MREG: variants seen among roughly 807,000 people sequenced by gnomAD.
The protein encoded by MREG is melanoregulin.
Under a neutral mutation model 28.5 loss-of-function variants are expected in MREG, and 31 were observed. The observed-to-expected ratio is 1.09, with a 90% CI of 0.82 to 1.47. The LOEUF (loss-of-function observed/expected upper bound fraction) is 1.47. MREG is among the 40% of genes most tolerant of loss of function. The probability of loss-of-function intolerance (pLI) is 0.00; values close to 1 mark genes in which losing one functional copy is unlikely to be tolerated. For synonymous variants in MREG, 106 were observed against 95.2 expected (o/e 1.11, Z -0.66); for missense variants, 256 against 257.4 (o/e 0.99, Z 0.04).
At chr2:216,015,152 T>C (rs1441457093), upstream of MREG, among the ~76,000 whole-genome samples, 1 of 151,916 alleles carries the variant, frequency 6.6e-6, no homozygotes, top group Non-Finnish European at 1.5e-5. Context: ...TGTGCGTGCG[T>C]ACGTGTGCGC....
chr2:216,018,226 C>T (rs1694474231), upstream of MREG, among the ~76,000 whole-genome samples: 1 of 152,042 alleles, frequency 6.6e-6, no homozygotes, highest in Non-Finnish European at 1.5e-5. Context: ...TGTGCTTAGA[C>T]AACATAGCAT....
chr2:216,027,212 A>G (rs1240566929), intron 1 of MREG, among the ~76,000 whole-genome samples: 2 of 152,324 alleles, frequency 1.3e-5, no homozygotes, highest in South Asian at 2.1e-4. Flanking sequence ...GCTGTAATAC[A>G]TTTGGTGTTT....
chr2:216,009,703 T>C (rs1013713649), intron 1 of MREG, among the ~76,000 whole-genome samples: 1 of 151,984 alleles, frequency 6.6e-6, no homozygotes, highest in South Asian at 2.1e-4. Flanking sequence ...ACCCGGCTAA[T>C]TTTTTTTATT....
intron 2 of MREG, among the ~76,000 whole-genome samples, chr2:215,952,343 G>GCGCA (rs1692513137): frequency 6.6e-6 from 1 of 152,042 alleles, no homozygotes; most frequent in Non-Finnish European, 1.5e-5. Context: ...ACACGTGAAC[G>GCGCA]CGCACACACA....
intron 1 of MREG, among the ~76,000 whole-genome samples, chr2:216,027,076 T>C (rs1011784609): frequency 1.3e-5 from 2 of 152,232 alleles, no homozygotes; most frequent in Non-Finnish European, 2.9e-5. Flanking sequence ...AAATGATGTT[T>C]AGAGATTTCA....
Position 216,013,322 on chromosome 2 carries a change from C to A in MREG, c.6G>T (p.Gly2=), listed in dbSNP as rs1473803734. The part of the protein sequence containing the change: M[G]LRDWLRTVCC... ...ACACGGTTCTCAGCCAGTCCCTCAGCCCCATGGAGAGCGAGGGCCCCCACC... is the reference window on the plus strand; with the variant it reads ...ACACGGTTCTCAGCCAGTCCCTCAGACCCATGGAGAGCGAGGGCCCCCACC... The change falls in exon 1 of 5, where the codon GGG becomes GGT. Residue 2 remains glycine (G), a synonymous_variant. Transcript: ENST00000263268. 5.2e-6 allele frequency: 8 copies of A among 1,532,716 alleles called. No homozygotes were observed. In the South Asian group the frequency reaches 9.7e-5, roughly 19 times the overall value. The allele number at this position is 1,532,716 out of a possible 1,614,324, so 94.9% of individuals were successfully genotyped here.
chr2:216,003,452 C>G (rs997815753), intron 1 of MREG, among the ~76,000 whole-genome samples: 1 of 152,208 alleles, frequency 6.6e-6, no homozygotes, highest in African/African-American at 2.4e-5. Context: ...CACGAGGGCT[C>G]AGGAGGAAGA....
intron 2 of MREG, among the ~76,000 whole-genome samples, chr2:215,960,240 C>T (rs1265869371): frequency 6.6e-6 from 1 of 152,148 alleles, no homozygotes; most frequent in Non-Finnish European, 1.5e-5. Context: ...CAGGCGTAAG[C>T]CACCGTGCCC....
chr2:215,966,988 C>T (rs1692959031), intron 2 of MREG, among the ~76,000 whole-genome samples: 1 of 152,176 alleles, frequency 6.6e-6, no homozygotes, highest in Admixed American at 6.6e-5. Flanking sequence ...TTCTGCCTCC[C>T]TGACTCAAGT....
At chr2:215,940,840 G>C (rs2105960843), downstream of MREG, among the ~76,000 whole-genome samples, 1 of 152,264 alleles carries the variant, frequency 6.6e-6, no homozygotes, top group East Asian at 1.9e-4. Flanking sequence ...GTGTATGTGT[G>C]TTGTGTGTGT....
chr2:216,010,166 G>C (rs1009411503), intron 1 of MREG, among the ~76,000 whole-genome samples: 8 of 152,088 alleles, frequency 5.3e-5, no homozygotes, highest in African/African-American at 1.9e-4. Context: ...ACAGAGGAGA[G>C]ACACATCAAA....
chr2:215,965,330 C>T (rs78414113), intron 2 of MREG, among the ~76,000 whole-genome samples: 4,045 of 152,180 alleles, frequency 0.027, 75 homozygotes, highest in Non-Finnish European at 0.04. Context: ...ACTCTGTATT[C>T]CAGGATCTCG....
rs539713640 is a variant in MREG, at chr2:215,949,560, C to CA, written c.256-2448dup. Among the ~76,000 whole-genome samples, 978 of 108,284 alleles carry CA rather than the reference C, an allele frequency of 9.0e-3. 4 individuals carry two copies. The highest frequency in any genetic ancestry group is 0.013 in the Non-Finnish European group (647 of 51,260). The allele number at this position is 108,284 out of a possible 152,430, so 71.0% of individuals were successfully genotyped here. On this transcript the variant is annotated intron_variant, in intron 2 of 4. Coordinates refer to ENST00000263268, the MANE Select transcript of MREG (RefSeq NM_018000.3). ...TGGGCAACAGAGCAAGACTCTGTCT[C>CA]AAAAAAAAAAAAAAAATCCTCCAGG...
intron 2 of MREG, among the ~76,000 whole-genome samples, chr2:215,992,012 C>T (rs757973243): frequency 2.0e-4 from 30 of 152,046 alleles, no homozygotes; most frequent in Non-Finnish European, 3.7e-4. Context: ...TTAGAAACCA[C>T]AGAAAAAGAG....
intron 2 of MREG, among the ~76,000 whole-genome samples, chr2:215,971,137 C>A (rs1205809639): frequency 6.6e-6 from 1 of 151,942 alleles, no homozygotes; most frequent in African/African-American, 2.4e-5. Flanking sequence ...TGGGGCCTGT[C>A]AGGGGATGGG....
At chr2:215,961,670 G>A (rs1222120300) in intron 2 of MREG, among the ~76,000 whole-genome samples, 1 of 152,004 alleles carries the variant, frequency 6.6e-6, no homozygotes, top group Non-Finnish European at 1.5e-5. Context: ...CAAATGATCT[G>A]CCTGCCTCAG....
intron 2 of MREG, among the ~76,000 whole-genome samples, chr2:215,990,236 A>G (rs1693686772): frequency 6.6e-6 from 1 of 152,226 alleles, no homozygotes; most frequent in Non-Finnish European, 1.5e-5. Context: ...AGTGGGGGCC[A>G]ATATTCAACA....
intron 2 of MREG, among the ~76,000 whole-genome samples, chr2:215,980,437 T>A (rs895435036): frequency 1.3e-5 from 2 of 152,212 alleles, no homozygotes; most frequent in Admixed American, 1.3e-4. Context: ...TCTCCTGTTC[T>A]TTCCTTTACC....
At chr2:215,951,787 A>G (rs1692494526) in intron 2 of MREG, among the ~76,000 whole-genome samples, 1 of 152,238 alleles carries the variant, frequency 6.6e-6, no homozygotes, top group Non-Finnish European at 1.5e-5. Flanking sequence ...TCCTGCCACC[A>G]TCAATGGCTA....
Sources: allele counts gnomAD v4.1 joint callset (sites outside exome capture counted in the v4.1 genomes callset), GRCh38; gene constraint gnomAD v4.1.1; transcripts MANE v1.5; gene names NCBI Gene and HGNC (gene_info 2026-07-23, HGNC 2026-07-21).